ZNF746: variants seen among roughly 807,000 people sequenced by gnomAD.
The protein encoded by ZNF746 is parkin-interacting substrate.
A neutral mutation model predicts 41.0 loss-of-function variants in ZNF746; 13 were observed. The observed-to-expected ratio is 0.32, with a 90% CI of 0.21 to 0.50. The LOEUF (loss-of-function observed/expected upper bound fraction) is 0.50. Among genes scored for constraint, ZNF746 ranks in the 20% least tolerant of loss-of-function variants. ZNF746 has a pLI of 0.98. For missense variants in ZNF746, 811 were observed against 922.9 expected, an observed-to-expected ratio of 0.88 and a Z score of 1.57; for synonymous variants, 424 against 396.2, an observed-to-expected ratio of 1.07 and a Z score of -0.83.
Position 149,493,292 on chromosome 7 carries a change from G to A in ZNF746, c.452-320C>T, listed in dbSNP as rs973843195. ...GGTCCCAAATGTCCACAGTGCCGGG[G>A]TGAAGAAACTGCCACAGAGCGTGCA... On this transcript the variant is annotated intron_variant, in intron 3 of 6. Coordinates refer to ENST00000458143, the MANE Select transcript of ZNF746 (RefSeq NM_001394198.1). 1.2e-4 allele frequency among the ~76,000 whole-genome samples: 18 copies of A among 152,334 alleles called. No homozygotes were observed. The Middle Eastern group carries it at 0.01, about 86-fold the overall frequency.
chr7:149,485,208 A>G (rs1487827012), intron 4 of ZNF746, among the ~76,000 whole-genome samples: 1 of 151,960 alleles, frequency 6.6e-6, no homozygotes, highest in Non-Finnish European at 1.5e-5. Flanking sequence ...GCAAGACCTT[A>G]ATATAAAACT....
chr7:149,482,366 C>A (rs1392354245), intron 4 of ZNF746, among the ~76,000 whole-genome samples: 3 of 151,906 alleles, frequency 2.0e-5, no homozygotes, highest in Non-Finnish European at 4.4e-5. Context: ...TGTAGCTATA[C>A]CATATCACAT....
chr7:149,494,945 C>G lies in ZNF746; in HGVS notation c.25-442G>C, dbSNP rs1256081311. Among the ~76,000 whole-genome samples the G allele has an allele frequency of 2.0e-5, 3 of 151,954 alleles. No individual in the cohort carries two copies. Among genetic ancestry groups the G allele is most frequent in the African/African-American group, 7.3e-5 (3 of 41,334 alleles). ...AGATTTACTAGAGCGCAGCCTGCAC[C>G]TCCCCTCATGATTACACAGGAACTG... On this transcript the variant is annotated intron_variant, in intron 1 of 6. Transcript: ENST00000458143. The surrounding 1 kb of genome is among the most constrained non-coding windows in gnomAD (Gnocchi z 5.6).
chr7:149,477,846 C>T (rs558978222), intron 4 of ZNF746, 91 bp from the exon 5 acceptor site: 2 of 1,145,232 alleles, frequency 1.7e-6, no homozygotes, highest in South Asian at 1.8e-5. Flanking sequence ...GACACAGGGG[C>T]CTTACAAGGG....
chr7:149,479,210 C>G (rs1306283085), intron 4 of ZNF746, among the ~76,000 whole-genome samples: 3 of 152,150 alleles, frequency 2.0e-5, no homozygotes, highest in East Asian at 3.8e-4. Flanking sequence ...AACAAACAAA[C>G]AAACCTAGAC....
chr7:149,476,372 T>C (rs1246748726), intron 6 of ZNF746, among the ~76,000 whole-genome samples: 1 of 150,484 alleles, frequency 6.6e-6, no homozygotes, highest in East Asian at 2.0e-4. Context: ...ATAAGCGTAC[T>C]TCAACTTCAC....
Position 149,474,079 on chromosome 7 carries a change from C to A in ZNF746, c.*305G>T. ...AAGTACCTACAAAATTTAAATAGCC[C>A]TATTACTATTTTCCAGCTTTTTCCT... On this transcript the variant is annotated 3_prime_UTR_variant, in exon 7 of 7. Coordinates refer to ENST00000458143, the MANE Select transcript of ZNF746 (RefSeq NM_001394198.1). The surrounding 1 kb of genome is among the most constrained non-coding windows in gnomAD (Gnocchi z 6.3). 1 of 416,488 alleles carries A rather than the reference C, an allele frequency of 2.4e-6. No homozygotes were observed. The highest frequency in any genetic ancestry group is 4.4e-6 in the Non-Finnish European group (1 of 227,120). 25.8% of individuals were successfully genotyped at this position (416,488 alleles called of 1,614,324 possible). A position where few individuals can be genotyped will look rare whatever the true frequency, so the allele number is the denominator to read the frequency against.
intron 4 of ZNF746, among the ~76,000 whole-genome samples, chr7:149,483,771 T>A (rs1800547935): frequency 6.6e-6 from 1 of 152,050 alleles, no homozygotes. Context: ...AGATAGAATA[T>A]AGTTAGTCAA....
chr7:149,477,095 A>T, intron 5 of ZNF746, 48 bp from the exon 6 acceptor site: 1 of 1,568,212 alleles, frequency 6.4e-7, no homozygotes, highest in Non-Finnish European at 8.6e-7. Flanking sequence ...ACGGACGGGG[A>T]GGACAGAAGA....
At chr7:149,493,320 T>A (rs1418847129) in intron 3 of ZNF746, among the ~76,000 whole-genome samples, 1 of 152,194 alleles carries the variant, frequency 6.6e-6, no homozygotes, top group Non-Finnish European at 1.5e-5. Context: ...AGCGTGCACG[T>A]TAAACAGCAG....
At position 149,487,085 on chromosome 7, in the gene ZNF746, G is replaced by T. The variant is rs376583860; in HGVS notation, c.565+5774C>A. On this transcript the variant is annotated intron_variant, in intron 4 of 6. Coordinates refer to ENST00000458143, the MANE Select transcript of ZNF746 (RefSeq NM_001394198.1). ...CTGCCAGATCAGTGGTGGCATTAGA[G>T]TCTAACAGCAGCGCGAACCCTATTG... 1.5e-3 allele frequency among the ~76,000 whole-genome samples: 221 copies of T among 152,262 alleles called. 7 individuals carry two copies. In the South Asian group the frequency reaches 0.045, roughly 31 times the overall value.
chr7:149,487,154 G>A (rs549583268), intron 4 of ZNF746, among the ~76,000 whole-genome samples: 1 of 152,274 alleles, frequency 6.6e-6, no homozygotes, highest in South Asian at 2.1e-4. Context: ...CCCTTCTTAT[G>A]AGATGGAACA....
intron 4 of ZNF746, 134 bp from the exon 5 acceptor site, chr7:149,477,889 G>A (rs1800365769): frequency 1.4e-6 from 1 of 695,380 alleles, no homozygotes; most frequent in East Asian, 2.9e-5. Flanking sequence ...GGGAAGGGAG[G>A]CAGCAGCAAA....
chr7:149,495,554 C>T (rs1800967619), intron 1 of ZNF746, among the ~76,000 whole-genome samples: 1 of 152,172 alleles, frequency 6.6e-6, no homozygotes, highest in South Asian at 2.1e-4. Flanking sequence ...CTACAGGGCA[C>T]AGAGGAGCTC....
At chr7:149,496,162 C>A (rs866116233) in intron 1 of ZNF746, among the ~76,000 whole-genome samples, 34 of 152,340 alleles carry the variant, frequency 2.2e-4, no homozygotes, top group Middle Eastern at 3.4e-3. Context: ...CTTTGTGTGG[C>A]ATGAAAGGGA....
At position 149,474,980 on chromosome 7, in the gene ZNF746, G is replaced by C; in HGVS notation, c.1387C>G (p.Pro463Ala). ...KPGLKKHPAA[P>A]PGGRPFTCAT... ...CAGGTGAAGGGCCGGCCCCCGGGGG[G>C]CGCCGCGGGGTGCTTCTTCAGCCCT... Residue 463 changes from proline to alanine, a missense_variant, in exon 7 of 7, where the codon CCC becomes GCC. Around this residue, in one of 4 missense-constraint regions of ZNF746, gnomAD observed 495 missense variants for 481.6 expected, o/e 1.03. Coordinates refer to ENST00000458143, the MANE Select transcript of ZNF746 (RefSeq NM_001394198.1). This position sits in a 1 kb window ranked among gnomAD's most constrained non-coding sequence, Gnocchi z 6.3. 3.9e-6 allele frequency: 6 copies of C among 1,547,976 alleles called. No homozygotes were observed. Among genetic ancestry groups the C allele is most frequent in the Non-Finnish European group, 5.2e-6 (6 of 1,146,396 alleles).
At position 149,476,966 on chromosome 7, in the gene ZNF746, C is replaced by G; in HGVS notation, c.839G>C (p.Cys280Ser). The change falls in exon 6 of 7, where the codon TGC becomes TCC. Residue 280 changes from cysteine (C) to serine (S), a missense_variant. Physicochemically the swap from Cys to Ser is moderately radical, Grantham distance 112. Coordinates refer to ENST00000458143, the MANE Select transcript of ZNF746 (RefSeq NM_001394198.1). ...GTTGAGCTTCAGGGTCCCGTCCGAG[C>G]ATGCTGAAGAGGGATGGTGGGGAGG... is the stretch of plus-strand genomic sequence containing the variant. ...DLPPHHPSSA[C>S]SDGTLKLNTA... is the part of the protein sequence containing the mutation. 5 of 1,613,950 alleles carry G rather than the reference C, an allele frequency of 3.1e-6. No individual in the cohort carries two copies. The highest frequency in any genetic ancestry group is 4.2e-6 in the Non-Finnish European group (5 of 1,179,984).
At chr7:149,484,408 AGGTTAAGGAGAAAAAAATGTAT>A (rs1363382738) in intron 4 of ZNF746, among the ~76,000 whole-genome samples, 3 of 152,230 alleles carry the variant, frequency 2.0e-5, no homozygotes, top group African/African-American at 7.2e-5. Context: ...CCTTACTAGC[AGGTTAAGGAGAAAAAAATGTAT>A]AATCATCTCA....
Position 149,474,873 on chromosome 7 carries a change from G to A in ZNF746, c.1494C>T (p.Gly498=), listed in dbSNP as rs1800235304. 1 of 1,505,612 alleles carries A rather than the reference G, an allele frequency of 6.6e-7. No individual in the cohort carries two copies. 93.3% of individuals were successfully genotyped at this position (1,505,612 alleles called of 1,614,324 possible). A position where few individuals can be genotyped will look rare whatever the true frequency, so the allele number is the denominator to read the frequency against. The part of the protein sequence containing the change: ...QRSCGAPDGS[G]PGTGGGGSGS... ...CGCTGCCGCCACCGCCTGTGCCCGG[G>A]CCCGACCCGTCGGGCGCCCCACAGC... The change falls in exon 7 of 7, where the codon GGC becomes GGT. Residue 498 remains glycine, a synonymous_variant. Transcript: ENST00000458143. The surrounding 1 kb of genome is among the most constrained non-coding windows in gnomAD (Gnocchi z 6.3).
Sources: allele counts gnomAD v4.1 joint callset (sites outside exome capture counted in the v4.1 genomes callset), GRCh38; gene constraint gnomAD v4.1.1; regional missense constraint gnomAD v4.1.1; non-coding constraint Gnocchi (gnomAD v3.1); transcripts MANE v1.5; gene names NCBI Gene and HGNC (gene_info 2026-07-23, HGNC 2026-07-21).